The following LTF variants were observed in gnomAD, a reference collection of about 807,000 sequenced individuals.
LTF encodes epididymis luminal protein 110.
In LTF, 91 loss-of-function variants were observed where a neutral mutation model predicts 87.2. That is an observed-to-expected ratio of 1.04 (90% CI 0.88 to 1.24). The LOEUF is 1.24. Among genes scored for constraint, LTF ranks in the 50% most tolerant of loss-of-function variants. The pLI is 0.00. For missense variants in LTF, 901 were observed against 904.3 expected (o/e 1.00, Z 0.05); for synonymous variants, 378 against 356.1 (o/e 1.06, Z -0.69).
chr3:46,455,770 C>T, intron 4 of LTF, 26 bp downstream of exon 4: 1 of 1,539,646 alleles, frequency 6.5e-7, no homozygotes, highest in Non-Finnish European at 8.7e-7. Flanking sequence ...TGCCTGAGGC[C>T]ACTCACTATC....
intron 2 of LTF, 56 bp from the exon 3 acceptor site, chr3:46,456,454 G>A: frequency 6.9e-7 from 1 of 1,455,796 alleles, no homozygotes; most frequent in Non-Finnish European, 9.6e-7. Context: ...AACCCAGCAA[G>A]TGGGACTTCA....
intron 6 of LTF, 123 bp downstream of exon 6, chr3:46,454,181 TG>T: frequency 1.2e-6 from 1 of 836,220 alleles, no homozygotes; most frequent in Non-Finnish European, 2.1e-6. Flanking sequence ...ATCAGAGCTG[TG>T]CCCTGTAGGA....
Position 46,439,391 on chromosome 3 carries a change from C to T in LTF, c.1813G>A (p.Ala605Thr). The T allele has an allele frequency of 5.6e-6, 9 of 1,614,226 alleles. No individual in the cohort carries two copies. Among genetic ancestry groups the T allele is most frequent in the Non-Finnish European group, 6.8e-6 (8 of 1,180,024 alleles). Residue 605 changes from alanine to threonine, a missense_variant, in exon 15 of 17, where the codon GCT becomes ACT. By Grantham distance (58) the Ala-to-Thr change is moderately conservative. Coordinates refer to ENST00000231751, the MANE Select transcript of LTF (RefSeq NM_002343.6). ...GCCATGGCAAGATGGCAGCTTCTAGCCTCAGTCACAGGCTTCCGTTTGCCA... is the reference window on the plus strand; with the variant it reads ...GCCATGGCAAGATGGCAGCTTCTAGTCTCAGTCACAGGCTTCCGTTTGCCA... Reference protein sequence around the residue: ...LDGKRKPVTEARSCHLAMAPN... With the variant: ...LDGKRKPVTETRSCHLAMAPN...
chr3:46,478,282 G>T (rs1000101045), intron 1 of LTF, among the ~76,000 whole-genome samples: 1 of 152,008 alleles, frequency 6.6e-6, no homozygotes, highest in African/African-American at 2.4e-5. Flanking sequence ...ACCCAGCTGC[G>T]TCCCGACTGT....
At position 46,472,684 on chromosome 3, in the gene LTF, C is replaced by G. The variant is rs570733950; in HGVS notation, c.-319-2218G>C. Among the ~76,000 whole-genome samples, 11 of 152,148 alleles carry G rather than the reference C, an allele frequency of 7.2e-5. No individual in the cohort carries two copies. In the East Asian group the frequency reaches 2.1e-3, roughly 30 times the overall value. ...GTCAGCCCTTTTGAGTAAAGCTGAC[C>G]TCTCCAGAACATGTGTTGTTGGAGG... On this transcript the variant is annotated intron_variant, in intron 1 of 19. Coordinates refer to the LTF transcript ENST00000443496.
At chr3:46,448,725 T>C in intron 9 of LTF, 138 bp downstream of exon 9, 1 of 985,008 alleles carries the variant, frequency 1.0e-6, no homozygotes, top group Non-Finnish European at 1.4e-6. Flanking sequence ...TTTCTGGCCC[T>C]GAGCACACCT....
At chr3:46,459,995 AG>A (rs1703040215) in intron 1 of LTF, among the ~76,000 whole-genome samples, 176 bp from the exon 2 acceptor site, 1 of 152,226 alleles carries the variant, frequency 6.6e-6, no homozygotes, top group Non-Finnish European at 1.5e-5. Context: ...CTGGACTAAT[AG>A]GATCTCTGCA....
chr3:46,458,235 TGA>T, intron 2 of LTF, among the ~76,000 whole-genome samples: 1 of 152,260 alleles, frequency 6.6e-6, no homozygotes, highest in East Asian at 1.9e-4. Context: ...GTTTGTTTCG[TGA>T]TTTAGATCAT....
At chr3:46,464,980 TC>T, upstream of LTF, 1 of 1,003,608 alleles carries the variant, frequency 1.0e-6, no homozygotes, top group Non-Finnish European at 1.5e-6. Flanking sequence ...ACCCCTTCCC[TC>T]CCCACTCCCC....
At chr3:46,445,141 G>A (rs1185879909) in intron 12 of LTF, 140 bp downstream of exon 12, 20 of 859,960 alleles carry the variant, frequency 2.3e-5, no homozygotes, top group Non-Finnish European at 3.3e-5. Flanking sequence ...GCAGCCACAG[G>A]GAGAATTTCC....
At chr3:46,450,124 TCTAA>T (rs1702766617) in intron 7 of LTF, 96 bp from the exon 8 acceptor site, 1 of 1,049,522 alleles carries the variant, frequency 9.5e-7, no homozygotes. Flanking sequence ...TTGGGATCAT[TCTAA>T]CTGAGAGCAG....
At chr3:46,440,630 T>C (rs1702495284) in intron 14 of LTF, among the ~76,000 whole-genome samples, 1 of 152,210 alleles carries the variant, frequency 6.6e-6, no homozygotes, top group Admixed American at 6.5e-5. Flanking sequence ...AATTTCAAAT[T>C]TACATGTCTT....
At chr3:46,454,781 G>A (rs535447568) in intron 5 of LTF, among the ~76,000 whole-genome samples, 13 of 152,124 alleles carry the variant, frequency 8.5e-5, no homozygotes, top group African/African-American at 3.1e-4. Context: ...GGAAAAGGGG[G>A]AGCTCAGCCT....
At chr3:46,482,585 G>A (rs1420344129) in intron 1 of LTF, among the ~76,000 whole-genome samples, 5,166 of 106,572 alleles carry the variant, frequency 0.048, 1,376 homozygotes, top group East Asian at 0.1. Flanking sequence ...GAAAGGAAGG[G>A]AGAAAGAGAG....
At chr3:46,438,421 T>C (rs1487607824) in intron 15 of LTF, among the ~76,000 whole-genome samples, 1 of 152,234 alleles carries the variant, frequency 6.6e-6, no homozygotes, top group African/African-American at 2.4e-5. Context: ...CAACTTCTTA[T>C]GGGTGACAAG....
At position 46,438,079 on chromosome 3, in the gene LTF, G is replaced by T. The variant is rs750781678; in HGVS notation, c.1959C>A (p.Phe653Leu). The change falls in exon 16 of 17, where the codon TTC (phenylalanine) becomes TTA (leucine). Residue 653 changes from phenylalanine (F) to leucine (L), a missense_variant. Transcript: ENST00000231751. ...GSDCPDKFCLFQSETKNLLFN... is the reference protein window; with the variant it reads ...GSDCPDKFCLLQSETKNLLFN... The stretch of plus-strand genomic sequence containing the variant: ...ACAGAAGGTTTTTGGTTTCAGACTG[G>T]AATAAGCAAAACTTGTCCGGGCAGT... 1.2e-6 allele frequency: 2 copies of T among 1,614,026 alleles called. No individual in the cohort carries two copies. Among genetic ancestry groups the T allele is most frequent in the Middle Eastern group, 1.6e-4 (1 of 6,062 alleles).
chr3:46,450,003 G>T lies in LTF; in HGVS notation c.908C>A (p.Pro303Gln). 6.2e-7 allele frequency: 1 copy of T among 1,608,406 alleles called. No individual in the cohort carries two copies. The highest frequency in any genetic ancestry group is 8.5e-7 in the Non-Finnish European group (1 of 1,177,160). Reference protein sequence around the residue: ...AQEKFGKDKSPKFQLFGSPSG... With the variant: ...AQEKFGKDKSQKFQLFGSPSG... ...AGGGGAGCCAAAGAGCTGGAATTTC[G>T]GTGACTTGTCCTTTCCAAACTTTTC... The change falls in exon 8 of 17, where the codon CCG (proline) becomes CAG (glutamine). Residue 303 changes from proline (P) to glutamine (Q), a missense_variant. By Grantham distance (76) the Pro-to-Gln change is moderately conservative. Transcript: ENST00000231751.
intron 11 of LTF, 140 bp downstream of exon 11, chr3:46,446,299 GC>G: frequency 5.5e-6 from 1 of 180,302 alleles, no homozygotes; most frequent in Non-Finnish European, 1.0e-5. Context: ...TGAATTATTT[GC>G]ACCCTTAAAA....
In LTF at chr3:46,443,597, C is replaced by T. The variant is rs779712287; in HGVS notation, c.1514-15G>A. The T allele has an allele frequency of 1.2e-5, 19 of 1,613,594 alleles. No individual in the cohort carries two copies. In the East Asian group the frequency reaches 4.2e-4, roughly 36 times the overall value. ...GAAATATTCATCTGGAGAGAAGGAACACGGGGAGTCAGCTCTTCAAACCTG... is the reference window on the plus strand; with the variant it reads ...GAAATATTCATCTGGAGAGAAGGAATACGGGGAGTCAGCTCTTCAAACCTG... On this transcript the variant is annotated splice_polypyrimidine_tract_variant and intron_variant, in intron 12 of 16. Transcript: ENST00000231751.
Sources: allele counts gnomAD v4.1 joint callset (sites outside exome capture counted in the v4.1 genomes callset), GRCh38; gene constraint gnomAD v4.1.1; transcripts MANE v1.5; gene names NCBI Gene and HGNC (gene_info 2026-07-23, HGNC 2026-07-21).